The following DPP6 variants were observed in gnomAD, a reference collection of about 807,000 sequenced individuals.
DPP6 encodes the protein A-type potassium channel modulatory protein DPP6.
DPP6 carries 69 observed loss-of-function variants against 122.6 expected under a neutral mutation model. The observed-to-expected ratio is 0.56, with a 90% CI of 0.46 to 0.69. The LOEUF (loss-of-function observed/expected upper bound fraction) is 0.69, where lower values mean the gene tolerates loss of function less well. DPP6 is among the 30% of genes least tolerant of loss of function. The probability of loss-of-function intolerance (pLI) is 0.00; values close to 1 mark genes in which losing one functional copy is unlikely to be tolerated. For synonymous variants in DPP6, 418 were observed against 433.1 expected, an observed-to-expected ratio of 0.97 and a Z score of 0.43; for missense variants, 928 against 1,116.9, an observed-to-expected ratio of 0.83 and a Z score of 2.41.
chr7:154,575,611 A>G lies in DPP6; in HGVS notation c.627+8695A>G, dbSNP rs1175291285. ...GCGGGTGTATGTGTGTGGTGTGTGT[A>G]TGTGTGTGTGGTGTGTGTGTGGTGT... is the stretch of plus-strand genomic sequence containing the variant. On this transcript the variant is annotated intron_variant, in intron 5 of 25. Transcript: ENST00000377770. Among the ~76,000 whole-genome samples the G allele has an allele frequency of 7.1e-4, 43 of 60,234 alleles. 1 individual carries two copies. Among genetic ancestry groups the G allele is most frequent in the South Asian group, 2.4e-3 (3 of 1,226 alleles). The allele number at this position is 60,234 out of a possible 152,430, so 39.5% of individuals were successfully genotyped here.
chr7:154,455,625 G>A (rs1042947939), intron 2 of DPP6, among the ~76,000 whole-genome samples: 7 of 152,024 alleles, frequency 4.6e-5, no homozygotes, highest in East Asian at 1.9e-4. Context: ...CATCTTAACC[G>A]TCTCTCTTTT....
At chr7:154,065,805 T>G (rs1802673707) in intron 1 of DPP6, among the ~76,000 whole-genome samples, 1 of 152,038 alleles carries the variant, frequency 6.6e-6, no homozygotes, top group Admixed American at 6.5e-5. Context: ...GGGACTGGGT[T>G]TTCCTCAGGG....
At chr7:153,750,048 A>T in the DPP6 span, among the ~76,000 whole-genome samples, 1 of 152,164 alleles carries the variant, frequency 6.6e-6, no homozygotes, top group African/African-American at 2.4e-5. Flanking sequence ...GGTTTGGGGC[A>T]TGTATTAGCC....
At position 154,195,756 on chromosome 7, in the gene DPP6, G is replaced by C. The variant is rs114251666; in HGVS notation, c.243+142693G>C. Among the ~76,000 whole-genome samples the C allele has an allele frequency of 3.7e-3, 565 of 152,250 alleles. 2 individuals carry two copies. The highest frequency in any genetic ancestry group is 6.3e-3 in the Non-Finnish European group (429 of 68,012). ...TTAGGTGATATTTCCAAAAAATTCT[G>C]TTATGCCACTCCTTTGAAAATTTCC... On this transcript the variant is annotated intron_variant, in intron 1 of 25. Transcript: ENST00000377770.
At chr7:153,792,534 T>C in the DPP6 span, among the ~76,000 whole-genome samples, 1 of 152,330 alleles carries the variant, frequency 6.6e-6, no homozygotes, top group South Asian at 2.1e-4. Context: ...ATTTCTCTAA[T>C]AGATGTAAGG....
chr7:153,788,822 A>G, the DPP6 span, among the ~76,000 whole-genome samples: 1 of 152,086 alleles, frequency 6.6e-6, no homozygotes, highest in Non-Finnish European at 1.5e-5. Context: ...AACATTAGCC[A>G]GGCATGGTGG....
chr7:154,157,304 C>G, intron 1 of DPP6, among the ~76,000 whole-genome samples: 1 of 152,208 alleles, frequency 6.6e-6, no homozygotes, highest in Non-Finnish European at 1.5e-5. Context: ...TGAGGAAACT[C>G]GAAAGTATGG....
intron 1 of DPP6, among the ~76,000 whole-genome samples, chr7:154,181,181 G>A (rs775220482): frequency 6.6e-6 from 1 of 152,150 alleles, no homozygotes; most frequent in Non-Finnish European, 1.5e-5. Flanking sequence ...CCAAACACAA[G>A]AGCATGCCCC....
At chr7:154,448,218 T>C (rs1035062392) in intron 2 of DPP6, among the ~76,000 whole-genome samples, 2 of 152,142 alleles carry the variant, frequency 1.3e-5, no homozygotes, top group African/African-American at 4.8e-5. Flanking sequence ...TAATAATAAA[T>C]GAGTTCAGCA....
chr7:154,031,368 G>A (rs960767665), intron 1 of DPP6, among the ~76,000 whole-genome samples: 13 of 150,076 alleles, frequency 8.7e-5, no homozygotes, highest in East Asian at 7.7e-4. Context: ...GGTCCCAGGG[G>A]CCTGTGAACT....
At chr7:153,943,610 C>G (rs967315946) in intron 1 of DPP6, among the ~76,000 whole-genome samples, 29 of 152,168 alleles carry the variant, frequency 1.9e-4, no homozygotes, top group African/African-American at 6.0e-4. Flanking sequence ...CATTCCCTTT[C>G]CAGTGTCAAT....
In DPP6 at chr7:154,483,686, T is replaced by C. The variant is rs1245060811; in HGVS notation, c.457+8649T>C. Reference sequence around the variant, plus strand: ...TGAGAAAAAGCCCAGGTGAAGTTTTTGTTTCGTTTTGTTTTGCTTTGCTTT... The same window carrying C: ...TGAGAAAAAGCCCAGGTGAAGTTTTCGTTTCGTTTTGTTTTGCTTTGCTTT... On this transcript the variant is annotated intron_variant, in intron 3 of 25. Transcript: ENST00000377770. This position sits in a 1 kb window ranked among gnomAD's most constrained non-coding sequence, Gnocchi z 8.1. 6.6e-6 allele frequency among the ~76,000 whole-genome samples: 1 copy of C among 152,218 alleles called. No individual in the cohort carries two copies. Among genetic ancestry groups the C allele is most frequent in the African/African-American group, 2.4e-5 (1 of 41,452 alleles).
At chr7:154,186,279 T>G (rs577114836) in intron 1 of DPP6, among the ~76,000 whole-genome samples, 3 of 152,206 alleles carry the variant, frequency 2.0e-5, no homozygotes, top group Non-Finnish European at 4.4e-5. Context: ...CATACTTGGG[T>G]CTGGCTCTGG....
intron 10 of DPP6, among the ~76,000 whole-genome samples, chr7:154,775,114 T>G (rs1354031648): frequency 6.6e-6 from 1 of 152,156 alleles, no homozygotes; most frequent in African/African-American, 2.4e-5. Flanking sequence ...TCTCCAGCAT[T>G]GCCCAGTGTC....
upstream of DPP6, among the ~76,000 whole-genome samples, chr7:153,882,970 T>G (rs1245028899): frequency 6.6e-6 from 1 of 152,132 alleles, no homozygotes; most frequent in Non-Finnish European, 1.5e-5. Context: ...GCGGTGAGAA[T>G]CGTAAGATAA....
chr7:154,543,400 G>C (rs1012115422), intron 4 of DPP6, among the ~76,000 whole-genome samples: 2 of 152,158 alleles, frequency 1.3e-5, no homozygotes, highest in African/African-American at 2.4e-5. Context: ...AAGCCTGTTT[G>C]CCTCCAGCTT....
At chr7:154,882,394 T>C (rs1324647643) in intron 21 of DPP6, among the ~76,000 whole-genome samples, 2 of 152,212 alleles carry the variant, frequency 1.3e-5, no homozygotes, top group Non-Finnish European at 2.9e-5. Flanking sequence ...AGCATCTCTG[T>C]TTTGTTTTAA....
At chr7:154,097,139 A>C (rs1805383548) in intron 1 of DPP6, among the ~76,000 whole-genome samples, 1 of 152,224 alleles carries the variant, frequency 6.6e-6, no homozygotes, top group Non-Finnish European at 1.5e-5. Context: ...TTTTTCCTGC[A>C]ATGTGAGTCA....
chr7:154,855,689 G>C (rs889679185), intron 17 of DPP6, among the ~76,000 whole-genome samples: 2 of 152,218 alleles, frequency 1.3e-5, no homozygotes, highest in Non-Finnish European at 2.9e-5. Flanking sequence ...CTTCCACCAA[G>C]GCCTGGGGTC....
Sources: gnomAD v4.1 joint callset for allele counts (sites outside exome capture counted in the v4.1 genomes callset) on GRCh38, gnomAD v4.1.1 for gene constraint, Gnocchi (gnomAD v3.1) non-coding constraint, MANE v1.5 for transcripts, NCBI Gene and HGNC (gene_info 2026-07-23, HGNC 2026-07-21) for gene names.